SAMD4A: variants seen among roughly 807,000 people sequenced by gnomAD.
The protein encoded by SAMD4A is protein Smaug homolog 1.
Under a neutral mutation model 81.3 loss-of-function variants are expected in SAMD4A, and 33 were observed. That is an observed-to-expected ratio of 0.41 (90% confidence interval 0.31 to 0.54). The LOEUF (loss-of-function observed/expected upper bound fraction) is 0.54, where lower values mean the gene tolerates loss of function less well. Ranked by LOEUF, SAMD4A falls within the 20% of genes least tolerant of loss-of-function variation. SAMD4A has a pLI of 0.37. For synonymous variants in SAMD4A, 389 were observed against 382.1 expected, an observed-to-expected ratio of 1.02 and a Z score of -0.21; for missense variants, 854 against 951.1, an observed-to-expected ratio of 0.90 and a Z score of 1.34.
chr14:54,739,314 C>T (rs955386098), intron 4 of SAMD4A, among the ~76,000 whole-genome samples: 7 of 152,030 alleles, frequency 4.6e-5, no homozygotes, highest in Non-Finnish European at 8.8e-5. Context: ...ACTGTCTCCT[C>T]AGAGCCTATT....
intron 2 of SAMD4A, among the ~76,000 whole-genome samples, chr14:54,661,425 C>G (rs1050764475): frequency 6.6e-6 from 1 of 152,174 alleles, no homozygotes; most frequent in Non-Finnish European, 1.5e-5. Context: ...ATTGGTTAGT[C>G]AGTTGGTTAG....
chr14:54,717,006 C>T (rs187505947), intron 3 of SAMD4A, among the ~76,000 whole-genome samples: 54 of 152,076 alleles, frequency 3.6e-4, no homozygotes, highest in Non-Finnish European at 5.7e-4. Flanking sequence ...CAGAATATTG[C>T]CCTGGGTCTG....
chr14:54,782,001 G>A (rs1313002573), intron 11 of SAMD4A, among the ~76,000 whole-genome samples: 1 of 152,200 alleles, frequency 6.6e-6, no homozygotes, highest in African/African-American at 2.4e-5. Flanking sequence ...AGTGTTGGGG[G>A]TCACGGCTCC....
intron 2 of SAMD4A, chr14:54,689,947 T>A (rs1473975191): frequency 6.6e-6 from 1 of 152,256 alleles, no homozygotes; most frequent in Non-Finnish European, 1.5e-5. Context: ...TCTGCGCTGG[T>A]CCAGAGATTT....
chr14:54,786,851 T>C (rs78426937), intron 12 of SAMD4A, among the ~76,000 whole-genome samples: 1 of 152,214 alleles, frequency 6.6e-6, no homozygotes, highest in South Asian at 2.1e-4. Flanking sequence ...AACCGATGGG[T>C]TTTTTGCTAA....
At chr14:54,608,722 C>A (rs535095230) in intron 2 of SAMD4A, among the ~76,000 whole-genome samples, 1 of 152,296 alleles carries the variant, frequency 6.6e-6, no homozygotes, top group South Asian at 2.1e-4. Context: ...AGCAGCCCAA[C>A]TGTGTATTTT....
At chr14:54,747,522 G>A (rs1046725898) in intron 4 of SAMD4A, among the ~76,000 whole-genome samples, 1 of 152,212 alleles carries the variant, frequency 6.6e-6, no homozygotes, top group Non-Finnish European at 1.5e-5. Context: ...GTTTTGGAAT[G>A]TGTGTGGTCA....
intron 2 of SAMD4A, chr14:54,685,998 A>T: frequency 2.5e-6 from 1 of 407,946 alleles, no homozygotes; most frequent in Non-Finnish European, 5.0e-6. Context: ...GCTCATACAA[A>T]GGTCCTATGT....
At chr14:54,636,995 T>C (rs2035049190) in intron 2 of SAMD4A, among the ~76,000 whole-genome samples, 1 of 152,104 alleles carries the variant, frequency 6.6e-6, no homozygotes, top group Non-Finnish European at 1.5e-5. Flanking sequence ...GGCATGGAAC[T>C]GCATGAGCTC....
chr14:54,780,074 G>A (rs1419476354), intron 11 of SAMD4A, among the ~76,000 whole-genome samples: 1 of 152,162 alleles, frequency 6.6e-6, no homozygotes, highest in African/African-American at 2.4e-5. Context: ...TCAACAGTAG[G>A]AGATCATGGA....
chr14:54,690,854 G>C (rs2036415161), intron 2 of SAMD4A, among the ~76,000 whole-genome samples: 1 of 152,204 alleles, frequency 6.6e-6, no homozygotes, highest in Admixed American at 6.5e-5. Context: ...TCTCCTCACT[G>C]AGCCATGTGT....
intron 3 of SAMD4A, among the ~76,000 whole-genome samples, chr14:54,729,257 G>A (rs527647438): frequency 7.9e-5 from 12 of 152,094 alleles, no homozygotes; most frequent in Non-Finnish European, 1.3e-4. Flanking sequence ...GCCGTTAAGC[G>A]CGGGATGGAT....
intron 2 of SAMD4A, among the ~76,000 whole-genome samples, chr14:54,671,451 A>G (rs1440741550): frequency 1.3e-5 from 2 of 152,324 alleles, no homozygotes; most frequent in East Asian, 1.9e-4. Flanking sequence ...AGTGAGTGCA[A>G]TGGGAGTGAT....
chr14:54,743,928 A>AT (rs986447330), intron 4 of SAMD4A, among the ~76,000 whole-genome samples: 3 of 152,246 alleles, frequency 2.0e-5, no homozygotes, highest in African/African-American at 7.2e-5. Flanking sequence ...ACTTCTCTTC[A>AT]TTTTTGAAAG....
chr14:54,604,903 G>A (rs1482092411), intron 2 of SAMD4A, among the ~76,000 whole-genome samples: 2 of 152,160 alleles, frequency 1.3e-5, no homozygotes, highest in Non-Finnish European at 2.9e-5. Flanking sequence ...TGCATTTCTA[G>A]ACTGCTTTAA....
intron 4 of SAMD4A, among the ~76,000 whole-genome samples, chr14:54,743,336 C>A (rs2037890367): frequency 6.6e-6 from 1 of 152,192 alleles, no homozygotes; most frequent in Admixed American, 6.5e-5. Context: ...CAAGATATGA[C>A]CCACAGGGAT....
chr14:54,647,421 A>G (rs2035309771), intron 2 of SAMD4A, among the ~76,000 whole-genome samples: 1 of 152,242 alleles, frequency 6.6e-6, no homozygotes, highest in Non-Finnish European at 1.5e-5. Context: ...GGGTAACTCC[A>G]AAGCCTAACT....
chr14:54,778,872 C>G (rs148093201), intron 11 of SAMD4A, among the ~76,000 whole-genome samples: 55 of 152,278 alleles, frequency 3.6e-4, no homozygotes, highest in African/African-American at 1.1e-3. Context: ...GACCCAGGAT[C>G]CCTCACTGAA....
chr14:54,691,946 A>T (rs921813238), intron 2 of SAMD4A, among the ~76,000 whole-genome samples: 3 of 152,220 alleles, frequency 2.0e-5, no homozygotes, highest in African/African-American at 7.2e-5. Flanking sequence ...CGTGTATTTC[A>T]TATTTCATAC....
Sources: allele counts gnomAD v4.1 joint callset (sites outside exome capture counted in the v4.1 genomes callset), GRCh38; gene constraint gnomAD v4.1.1; transcripts MANE v1.5; gene names NCBI Gene and HGNC (gene_info 2026-07-23, HGNC 2026-07-21).